Variants in RIN3 observed in about 807,000 individuals in gnomAD.
RIN3 encodes the protein Ras and Rab interactor 3, also known as RAB5 interacting protein 3.
RIN3 carries 54 observed loss-of-function variants against 76.3 expected under a neutral mutation model. That is an observed-to-expected ratio of 0.71 (90% CI 0.57 to 0.89). The LOEUF is 0.89. Among genes scored for constraint, RIN3 ranks in the 40% least tolerant of loss-of-function variants. The pLI is 0.00. For synonymous variants in RIN3, 576 were observed against 564.0 expected, an observed-to-expected ratio of 1.02 and a Z score of -0.30; for missense variants, 1,256 against 1,322.1, an observed-to-expected ratio of 0.95 and a Z score of 0.78.
intron 3 of RIN3, among the ~76,000 whole-genome samples, chr14:92,611,984 G>A (rs866302764): frequency 2.0e-5 from 3 of 152,222 alleles, no homozygotes; most frequent in Middle Eastern, 6.8e-3. Context: ...AAGGTGGGGG[G>A]CAGGGGCCAG....
chr14:92,514,829 G>A lies in RIN3; in HGVS notation c.44+853G>A, dbSNP rs1210692428. Among the ~76,000 whole-genome samples the A allele has an allele frequency of 2.0e-5, 3 of 152,236 alleles. No individual in the cohort carries two copies. Among genetic ancestry groups the A allele is most frequent in the African/African-American group, 4.8e-5 (2 of 41,456 alleles). ...GAGAAGCTTCAGGTGTTGTAGAGAC[G>A]CCCGGTCGGAGGCGGATTCCCGGGG... On this transcript the variant is annotated intron_variant, in intron 1 of 9. Transcript: ENST00000216487. The surrounding 1 kb of genome is among the most constrained non-coding windows in gnomAD (Gnocchi z 7.2).
chr14:92,680,408 C>T (rs755839398), intron 8 of RIN3, among the ~76,000 whole-genome samples: 2 of 152,104 alleles, frequency 1.3e-5, no homozygotes, highest in Non-Finnish European at 2.9e-5. Context: ...ACATGTTGGC[C>T]AGGCTGGTCT....
At chr14:92,534,253 T>C (rs1896944887) in intron 1 of RIN3, among the ~76,000 whole-genome samples, 1 of 151,416 alleles carries the variant, frequency 6.6e-6, no homozygotes, top group Non-Finnish European at 1.5e-5. Flanking sequence ...TTTTTTTTTT[T>C]TTTTTTTACA....
At chr14:92,603,345 C>T (rs1195424513) in intron 3 of RIN3, among the ~76,000 whole-genome samples, 1 of 152,164 alleles carries the variant, frequency 6.6e-6, no homozygotes, top group East Asian at 1.9e-4. Flanking sequence ...CACCCTTTGC[C>T]CTCCCCACCC....
chr14:92,544,414 T>TGGGGGGGGGGGGGGGGGGGGGG (rs71123353), intron 1 of RIN3, among the ~76,000 whole-genome samples: 13 of 74,558 alleles, frequency 1.7e-4, no homozygotes, highest in Admixed American at 7.6e-4. Flanking sequence ...GTGACAGCTG[T>TGGGGGGGGGGGGGGGGGGGGGG]GGGGGGGGGG....
At chr14:92,546,182 C>T (rs988319015) in intron 1 of RIN3, among the ~76,000 whole-genome samples, 1 of 152,100 alleles carries the variant, frequency 6.6e-6, no homozygotes, top group African/African-American at 2.4e-5. Flanking sequence ...ACCTCGGCTT[C>T]CCAAAGGGCT....
chr14:92,533,864 G>A (rs1004182657), intron 1 of RIN3, among the ~76,000 whole-genome samples: 5 of 152,026 alleles, frequency 3.3e-5, no homozygotes, highest in Admixed American at 6.6e-5. Context: ...AAAAACTTAC[G>A]GAAATAAAAA....
chr14:92,536,608 G>C (rs771079325), intron 1 of RIN3, among the ~76,000 whole-genome samples: 3 of 152,162 alleles, frequency 2.0e-5, no homozygotes, highest in East Asian at 1.9e-4. Context: ...TAGGCATGGT[G>C]GTGGGCGCCT....
intron 1 of RIN3, among the ~76,000 whole-genome samples, chr14:92,533,260 T>C: frequency 6.6e-6 from 1 of 152,198 alleles, no homozygotes; most frequent in East Asian, 1.9e-4. Flanking sequence ...GTTAAATTAA[T>C]TAAAATGTGT....
chr14:92,549,246 G>A (rs1026400515), intron 1 of RIN3, among the ~76,000 whole-genome samples: 4 of 152,122 alleles, frequency 2.6e-5, no homozygotes, highest in South Asian at 2.1e-4. Context: ...GGCCTTTTCC[G>A]GTTCTCCCTT....
chr14:92,562,838 C>T (rs917461315), intron 2 of RIN3, among the ~76,000 whole-genome samples: 1 of 152,142 alleles, frequency 6.6e-6, no homozygotes, highest in Non-Finnish European at 1.5e-5. Context: ...GATCTGGGGA[C>T]CACAGGTGTT....
intron 3 of RIN3, among the ~76,000 whole-genome samples, chr14:92,588,660 A>G (rs1884868646): frequency 6.6e-6 from 1 of 152,084 alleles, no homozygotes; most frequent in Non-Finnish European, 1.5e-5. Flanking sequence ...AGGTTTCATC[A>G]TAGGAATTTG....
intron 2 of RIN3, among the ~76,000 whole-genome samples, chr14:92,567,575 A>G (rs1897947507): frequency 6.6e-6 from 1 of 150,684 alleles, no homozygotes; most frequent in South Asian, 2.1e-4. Context: ...TGGAAGCTGC[A>G]TGCCTCTTGA....
intron 7 of RIN3, 95 bp from the exon 8 acceptor site, chr14:92,676,380 C>A: frequency 7.1e-7 from 1 of 1,416,820 alleles, no homozygotes; most frequent in Non-Finnish European, 9.8e-7. Flanking sequence ...GATCGCCATC[C>A]ACACTCAGCA....
rs868131567 is a variant in RIN3, at chr14:92,640,696, A to C, written c.441-542A>C. Among the ~76,000 whole-genome samples, 128 of 110,940 alleles carry C rather than the reference A, an allele frequency of 1.2e-3. 2 individuals carry two copies. The highest frequency in any genetic ancestry group is 4.3e-3 in the African/African-American group (122 of 28,564). The allele number at this position is 110,940 out of a possible 152,430, so 72.8% of individuals were successfully genotyped here. A position where few individuals can be genotyped will look rare whatever the true frequency, so the allele number is the denominator to read the frequency against. On this transcript the variant is annotated intron_variant, in intron 4 of 9. Transcript: ENST00000216487. Reference sequence around the variant, plus strand: ...TGCCTGACTGTGCGTTTGCTGGGAGATGCCTGACTGTGTGCTCGTCAGAGG... The same window carrying C: ...TGCCTGACTGTGCGTTTGCTGGGAGCTGCCTGACTGTGTGCTCGTCAGAGG...
Position 92,513,900 on chromosome 14 carries a change from G to T in RIN3, c.-33G>T. 1 of 1,252,540 alleles carries T rather than the reference G, an allele frequency of 8.0e-7. No homozygotes were observed. The highest frequency in any genetic ancestry group is 1.6e-5 in the African/African-American group (1 of 64,270). The allele number at this position is 1,252,540 out of a possible 1,614,324, so 77.6% of individuals were successfully genotyped here. A position where few individuals can be genotyped will look rare whatever the true frequency, so the allele number is the denominator to read the frequency against. On this transcript the variant is annotated 5_prime_UTR_variant, in exon 1 of 10. Coordinates refer to ENST00000216487, the MANE Select transcript of RIN3 (RefSeq NM_024832.5). ...GTTCCGCGCGGCCCGGCGCCTGAGC[G>T]CCTCCGTTCCCCGTCCCGGAGCTGC...
intron 5 of RIN3, among the ~76,000 whole-genome samples, chr14:92,645,441 G>C (rs1887162310): frequency 1.3e-5 from 2 of 152,238 alleles, no homozygotes; most frequent in South Asian, 4.1e-4. Flanking sequence ...ATGAAGTGCA[G>C]GGACTGACAC....
chr14:92,641,761 AAAC>A (rs1887025153), intron 5 of RIN3, among the ~76,000 whole-genome samples: 1 of 152,204 alleles, frequency 6.6e-6, no homozygotes, highest in Non-Finnish European at 1.5e-5. Context: ...TCCTGTGCCC[AAAC>A]AACTGACCCT....
At position 92,653,054 on chromosome 14, in the gene RIN3, C is replaced by T; in HGVS notation, c.2005C>T (p.Leu669=). 1 of 1,605,492 alleles carries T rather than the reference C, an allele frequency of 6.2e-7. No individual in the cohort carries two copies. The highest frequency in any genetic ancestry group is 8.5e-7 in the Non-Finnish European group (1 of 1,179,214). Residue 669 remains leucine, a synonymous_variant, in exon 6 of 10, where the codon CTG becomes TTG. Coordinates refer to ENST00000216487, the MANE Select transcript of RIN3 (RefSeq NM_024832.5). ...GCTCAAGGCCCTGGTGGACCCCGCC[C>T]TGCACTCCGAGGAGGAGCTCGGTCA... ...TELKALVDPA[L]HSEEELEAIV... is the part of the protein sequence containing the mutation.
Sources: gnomAD v4.1 joint callset for allele counts (sites outside exome capture counted in the v4.1 genomes callset) on GRCh38, gnomAD v4.1.1 for gene constraint, Gnocchi (gnomAD v3.1) non-coding constraint, MANE v1.5 for transcripts, NCBI Gene and HGNC (gene_info 2026-07-23, HGNC 2026-07-21) for gene names.